TASOR2: variants seen among roughly 807,000 people sequenced by gnomAD.
TASOR2 encodes protein TASOR 2.
In TASOR2, 84 loss-of-function variants were observed where a neutral mutation model predicts 199.5. That is an observed-to-expected ratio of 0.42 (90% CI 0.35 to 0.50). TASOR2 has a LOEUF of 0.50. Ranked by LOEUF, TASOR2 falls within the 20% of genes least tolerant of loss-of-function variation. The pLI is 0.02. For synonymous variants in TASOR2, 1,103 were observed against 1,046.6 expected, an observed-to-expected ratio of 1.05 and a Z score of -1.04; for missense variants, 2,796 against 2,835.9, an observed-to-expected ratio of 0.99 and a Z score of 0.32.
intron 1 of TASOR2, among the ~76,000 whole-genome samples, chr10:5,688,167 T>C (rs1418225652): frequency 6.6e-6 from 1 of 152,190 alleles, no homozygotes; most frequent in Non-Finnish European, 1.5e-5. Flanking sequence ...TTAATAATCT[T>C]TTCAGATGAT....
chr10:5,729,509 T>C (rs1834511679), intron 10 of TASOR2, among the ~76,000 whole-genome samples: 1 of 152,240 alleles, frequency 6.6e-6, no homozygotes, highest in Non-Finnish European at 1.5e-5. Flanking sequence ...AAGACCAGCC[T>C]GAGCAACATG....
chr10:5,694,915 A>G (rs1191806582), intron 1 of TASOR2, among the ~76,000 whole-genome samples: 5 of 152,206 alleles, frequency 3.3e-5, no homozygotes, highest in African/African-American at 1.2e-4. Flanking sequence ...GCATCTTGGA[A>G]TGAGCCCTAA....
intron 1 of TASOR2, 91 bp from the exon 2 acceptor site, chr10:5,712,732 C>T: frequency 8.1e-6 from 6 of 744,212 alleles, no homozygotes; most frequent in Non-Finnish European, 1.1e-5. Context: ...GTCTTAATGG[C>T]AGGAAGAATT....
chr10:5,741,877 A>G (rs1250546120), intron 13 of TASOR2, among the ~76,000 whole-genome samples: 1 of 152,232 alleles, frequency 6.6e-6, no homozygotes, highest in Admixed American at 6.5e-5. Flanking sequence ...AGGCAATTAC[A>G]TGTTCTGATT....
chr10:5,721,054 C>A, intron 6 of TASOR2, 84 bp downstream of exon 7: 1 of 1,067,022 alleles, frequency 9.4e-7, no homozygotes, highest in Non-Finnish European at 1.4e-6. Flanking sequence ...TCAAGGGTGG[C>A]ATTGGTGTAA....
rs753236510 is a variant in TASOR2, at chr10:5,748,210, C to A, written c.4789C>A (p.Pro1597Thr). Residue 1597 changes from proline (P) to threonine (T), a missense_variant, in exon 15 of 21, where the codon CCA becomes ACA. This residue lies in a region of TASOR2 where 1,941 missense variants were observed against 1,924.9 expected (regional missense o/e 1.01). Coordinates refer to ENST00000328090, the Ensembl canonical transcript of TASOR2. This position sits in a 1 kb window ranked among gnomAD's most constrained non-coding sequence, Gnocchi z 5.1. ...TGACACATTGGTTTCCACAACTGCA[C>A]CAAGTGGTATAGTGAATGTGTCAGT... 1 of 1,614,182 alleles carries A rather than the reference C, an allele frequency of 6.2e-7. No individual in the cohort carries two copies. The highest frequency in any genetic ancestry group is 8.5e-7 in the Non-Finnish European group (1 of 1,180,030).
Position 5,730,360 on chromosome 10 carries a change from T to C in TASOR2, c.488-127T>C. Reference sequence around the variant, plus strand: ...AGTCTTCTATTAATTGCCATTTAGGTTGTCATTTGAAATACTATAACATAT... The same window carrying C: ...AGTCTTCTATTAATTGCCATTTAGGCTGTCATTTGAAATACTATAACATAT... On this transcript the variant is annotated intron_variant, in intron 10 of 20. Coordinates refer to ENST00000328090, the Ensembl canonical transcript of TASOR2. The surrounding 1 kb of genome is among the most constrained non-coding windows in gnomAD (Gnocchi z 4.1). 2 of 678,630 alleles carry C rather than the reference T, an allele frequency of 2.9e-6. No individual in the cohort carries two copies. Among genetic ancestry groups the C allele is most frequent in the African/African-American group, 1.8e-5 (1 of 55,722 alleles). The allele number at this position is 678,630 out of a possible 1,614,324, so 42.0% of individuals were successfully genotyped here. A position where few individuals can be genotyped will look rare whatever the true frequency, so the allele number is the denominator to read the frequency against.
rs530466683 is a variant in TASOR2 at position 5,729,414 on chromosome 10, C to T, written c.488-1073C>T. On this transcript the variant is annotated intron_variant, in intron 10 of 20. Transcript: ENST00000328090. ...TTTAAAACAATTTGGTTTATAAAAA[C>T]GTTGTGCCCGGAGTGGTGGCTCACG... 6.8e-5 allele frequency among the ~76,000 whole-genome samples: 10 copies of T among 147,218 alleles called. No individual in the cohort carries two copies. The South Asian group carries it at 2.2e-3, about 32-fold the overall frequency.
In TASOR2 at chr10:5,706,175, G is replaced by T. The variant is rs991268883; in HGVS notation, c.-287-6648G>T. On this transcript the variant is annotated intron_variant, in intron 1 of 20. Coordinates refer to ENST00000328090, the Ensembl canonical transcript of TASOR2. This position sits in a 1 kb window ranked among gnomAD's most constrained non-coding sequence, Gnocchi z 4.8. ...GGCAATATTGAAAATCTGTTATCTG[G>T]ACTCTATTCTGTTCCATTGATCTAT... Among the ~76,000 whole-genome samples, 1 of 152,004 alleles carries T rather than the reference G, an allele frequency of 6.6e-6. No individual in the cohort carries two copies. Among genetic ancestry groups the T allele is most frequent in the Non-Finnish European group, 1.5e-5 (1 of 67,982 alleles).
In TASOR2 at chr10:5,699,178, A is replaced by G. The variant is rs958638640; in HGVS notation, c.-287-13645A>G. Among the ~76,000 whole-genome samples, 5 of 152,184 alleles carry G rather than the reference A, an allele frequency of 3.3e-5. No homozygotes were observed. Among genetic ancestry groups the G allele is most frequent in the Non-Finnish European group, 7.4e-5 (5 of 68,000 alleles). On this transcript the variant is annotated intron_variant, in intron 1 of 20. Transcript: ENST00000328090. This position sits in a 1 kb window ranked among gnomAD's most constrained non-coding sequence, Gnocchi z 4.1. ...ATGAAATATTGATATATGCTTTAAC[A>G]TGGATGAACTTCAAAAACAGGCTAA...
At chr10:5,747,882 A>T in exon 15 of TASOR2, 3 of 1,613,806 alleles carry the variant, frequency 1.9e-6, no homozygotes, top group Non-Finnish European at 2.5e-6. Context: ...CTGATCATCC[A>T]GGAAGAACAG....
At chr10:5,749,275 G>A in exon 15 of TASOR2, 1 of 1,614,230 alleles carries the variant, frequency 6.2e-7, no homozygotes, top group South Asian at 1.1e-5. Flanking sequence ...GAGTTTCAGT[G>A]CAAACTGTGG....
chr10:5,723,718 C>T, exon 7 of TASOR2: 1 of 1,600,372 alleles, frequency 6.2e-7, no homozygotes, highest in Non-Finnish European at 8.5e-7. Context: ...AAAGTGTCTT[C>T]CTTGAAAAAA....
intron 1 of TASOR2, among the ~76,000 whole-genome samples, chr10:5,694,887 A>G (rs1445256771): frequency 6.6e-6 from 1 of 152,014 alleles, no homozygotes; most frequent in African/African-American, 2.4e-5. Context: ...TGGATTTACT[A>G]TTTATTGAAC....
chr10:5,686,611 G>T (rs914142298), intron 1 of TASOR2, among the ~76,000 whole-genome samples: 3 of 152,176 alleles, frequency 2.0e-5, no homozygotes, highest in African/African-American at 7.2e-5. Flanking sequence ...TGAAATGATT[G>T]TACCTTTTTA....
In TASOR2 at chr10:5,719,856, C is replaced by G. The variant is rs1370881320; in HGVS notation, c.-99-688C>G. ...ATCATAGTTCAGATTGGAAACTCAT[C>G]TTTTGAAATTTTAGATTTTGTCCTC... On this transcript the variant is annotated intron_variant, in intron 3 of 20. Transcript: ENST00000328090. This position sits in a 1 kb window ranked among gnomAD's most constrained non-coding sequence, Gnocchi z 4.1. Among the ~76,000 whole-genome samples, 2 of 152,246 alleles carry G rather than the reference C, an allele frequency of 1.3e-5. No homozygotes were observed. Among genetic ancestry groups the G allele is most frequent in the Non-Finnish European group, 2.9e-5 (2 of 68,016 alleles).
Position 5,719,320 on chromosome 10 carries a change from C to G in TASOR2, c.-99-1224C>G, listed in dbSNP as rs538607563. Among the ~76,000 whole-genome samples, 1 of 152,016 alleles carries G rather than the reference C, an allele frequency of 6.6e-6. No individual in the cohort carries two copies. Among genetic ancestry groups the G allele is most frequent in the Non-Finnish European group, 1.5e-5 (1 of 67,954 alleles). On this transcript the variant is annotated intron_variant, in intron 3 of 20. Coordinates refer to ENST00000328090, the Ensembl canonical transcript of TASOR2. The surrounding 1 kb of genome is among the most constrained non-coding windows in gnomAD (Gnocchi z 4.1). ...TTGCATATTTCATCATAATGGTAAA[C>G]TTGGCTTACTTGCTTTTTATTTTTT...
At chr10:5,694,491 GA>G (rs886511783) in intron 1 of TASOR2, among the ~76,000 whole-genome samples, 1 of 152,074 alleles carries the variant, frequency 6.6e-6, no homozygotes, top group Non-Finnish European at 1.5e-5. Context: ...AGATAAACAA[GA>G]AAAAATACCA....
Position 5,742,543 on chromosome 10 carries a change from A to G in TASOR2, c.2757+17A>G. 3 of 1,581,892 alleles carry G rather than the reference A, an allele frequency of 1.9e-6. No homozygotes were observed. In the South Asian group the frequency reaches 3.5e-5, roughly 19 times the overall value. On this transcript the variant is annotated intron_variant, in intron 14 of 20. Coordinates refer to ENST00000328090, the Ensembl canonical transcript of TASOR2. This position sits in a 1 kb window ranked among gnomAD's most constrained non-coding sequence, Gnocchi z 4.2. ...AATAATGAGGTATGTAAAGCTGAAT[A>G]CCGTTAAATGTTGGCATTATTTTTG...
Sources: gnomAD v4.1 joint callset for allele counts (sites outside exome capture counted in the v4.1 genomes callset) on GRCh38, gnomAD v4.1.1 for gene constraint, gnomAD v4.1.1 regional missense constraint, Gnocchi (gnomAD v3.1) non-coding constraint, MANE v1.5 for transcripts, NCBI Gene and HGNC (gene_info 2026-07-23, HGNC 2026-07-21) for gene names.